The following AGR2 variants were observed in gnomAD, a reference collection of about 807,000 sequenced individuals.
AGR2 encodes anterior gradient 2, protein disulphide isomerase family member, also known as anterior gradient protein 2 homolog.
In AGR2, 27 loss-of-function variants were observed where a neutral mutation model predicts 25.9. The ratio of observed to expected loss-of-function variants is 1.04; its 90% CI spans 0.77 to 1.44. The LOEUF is 1.44. Among genes scored for constraint, AGR2 ranks in the 40% most tolerant of loss-of-function variants. The probability of loss-of-function intolerance (pLI) is 0.00; values close to 1 mark genes in which losing one functional copy is unlikely to be tolerated. For missense variants in AGR2, 182 were observed against 200.9 expected (o/e 0.91, Z 0.57); for synonymous variants, 78 against 72.0 (o/e 1.08, Z -0.42).
chr7:16,800,541 G>C (rs143353291), intron 4 of AGR2, among the ~76,000 whole-genome samples: 1 of 152,212 alleles, frequency 6.6e-6, no homozygotes, highest in African/African-American at 2.4e-5. Flanking sequence ...ACTTGAGCAC[G>C]TGAGTGATGG....
At chr7:16,797,561 G>C in intron 6 of AGR2, 70 bp downstream of exon 6, 10 of 1,401,316 alleles carry the variant, frequency 7.1e-6, no homozygotes, top group African/African-American at 1.4e-5. Context: ...AAGGGACAGT[G>C]GGGAGGAGAG....
intron 6 of AGR2, among the ~76,000 whole-genome samples, chr7:16,797,051 A>G (rs951004498): frequency 1.3e-5 from 2 of 151,784 alleles, no homozygotes; most frequent in Non-Finnish European, 2.9e-5. Context: ...CCTCCCAGGT[A>G]GCTGGGATTA....
chr7:16,794,767 G>T (rs1428744088), intron 7 of AGR2, 169 bp downstream of exon 7: 3 of 1,472,970 alleles, frequency 2.0e-6, no homozygotes, highest in Non-Finnish European at 2.7e-6. Context: ...ACCTGAGATG[G>T]AAAGAGTGTG....
chr7:16,797,083 G>A (rs980099107), intron 6 of AGR2, among the ~76,000 whole-genome samples: 1 of 114,512 alleles, frequency 8.7e-6, no homozygotes, highest in East Asian at 2.2e-4. Flanking sequence ...AACCACGCCT[G>A]GCTAATTTTT....
Position 16,802,583 on chromosome 7 carries a change from C to G in AGR2, c.-7-780G>C, listed in dbSNP as rs371043266. On this transcript the variant is annotated intron_variant, in intron 1 of 7. Coordinates refer to ENST00000419304, the MANE Select transcript of AGR2 (RefSeq NM_006408.4). ...AATGGTTATATGGATACTTGAAATA[C>G]AGTTTCTACTGAATGTGTATTGCTT... Among the ~76,000 whole-genome samples the G allele has an allele frequency of 1.4e-4, 22 of 152,256 alleles. No individual in the cohort carries two copies. The East Asian group carries it at 3.7e-3, about 25-fold the overall frequency.
At chr7:16,799,977 T>C (rs1038973667) in intron 4 of AGR2, among the ~76,000 whole-genome samples, 160 bp from the exon 5 acceptor site, 1 of 152,236 alleles carries the variant, frequency 6.6e-6, no homozygotes, top group South Asian at 2.1e-4. Flanking sequence ...GTAATATCTA[T>C]GGCATTGACT....
At chr7:16,800,945 T>C (rs1016509047) in intron 4 of AGR2, among the ~76,000 whole-genome samples, 3 of 152,158 alleles carry the variant, frequency 2.0e-5, no homozygotes, top group Admixed American at 2.0e-4. Context: ...TGAAGATGAA[T>C]CCTAAAACTA....
At chr7:16,798,314 C>T (rs1785082800) in intron 5 of AGR2, among the ~76,000 whole-genome samples, 1 of 152,042 alleles carries the variant, frequency 6.6e-6, no homozygotes, top group South Asian at 2.1e-4. Flanking sequence ...GAACAGGAGT[C>T]AGTTAGGTGG....
At chr7:16,795,085 C>A in intron 6 of AGR2, 66 bp from the exon 7 acceptor site, 3 of 1,554,452 alleles carry the variant, frequency 1.9e-6, no homozygotes, top group Non-Finnish European at 2.7e-6. Flanking sequence ...TATTTATTGC[C>A]CCGGGGAGCT....
At chr7:16,800,484 C>G (rs1785123717) in intron 4 of AGR2, among the ~76,000 whole-genome samples, 1 of 152,146 alleles carries the variant, frequency 6.6e-6, no homozygotes, top group African/African-American at 2.4e-5. Flanking sequence ...ATGTCAGCCT[C>G]ATAGGTTGTG....
intron 6 of AGR2, among the ~76,000 whole-genome samples, chr7:16,795,318 G>GTT (rs76582218): frequency 0.043 from 5,965 of 139,128 alleles, 403 homozygotes; most frequent in African/African-American, 0.14. Context: ...GTGACATGGT[G>GTT]TTTTTTTTTT....
intron 7 of AGR2, chr7:16,794,731 C>A: frequency 7.6e-7 from 1 of 1,317,740 alleles, no homozygotes. Flanking sequence ...AATAATTCAT[C>A]TTCAATTGAG....
intron 6 of AGR2, among the ~76,000 whole-genome samples, chr7:16,795,907 A>C (rs1370687201): frequency 6.6e-6 from 1 of 152,266 alleles, no homozygotes; most frequent in Non-Finnish European, 1.5e-5. Context: ...TACAAGAAGC[A>C]GATGTACATT....
At chr7:16,792,996 G>T in intron 7 of AGR2, 39 bp from the exon 8 acceptor site, 1 of 1,577,362 alleles carries the variant, frequency 6.3e-7, no homozygotes, top group Non-Finnish European at 8.7e-7. Context: ...AGACACCATC[G>T]TGCGTTATAT....
intron 6 of AGR2, among the ~76,000 whole-genome samples, chr7:16,796,159 C>G (rs1190698119): frequency 6.6e-6 from 1 of 152,126 alleles, no homozygotes; most frequent in Non-Finnish European, 1.5e-5. Flanking sequence ...CTTTAAAATC[C>G]TCCAGGTGAT....
At chr7:16,796,582 A>G (rs77431894) in intron 6 of AGR2, among the ~76,000 whole-genome samples, 2,004 of 152,320 alleles carry the variant, frequency 0.013, 44 homozygotes, top group African/African-American at 0.046. Flanking sequence ...AACTCAGTAC[A>G]TTCATTCAAT....
At chr7:16,803,951 T>C (rs1362616837) in intron 1 of AGR2, among the ~76,000 whole-genome samples, 2 of 151,688 alleles carry the variant, frequency 1.3e-5, no homozygotes, top group African/African-American at 4.9e-5. Context: ...AGTAAATTGA[T>C]GGTAAGGCAT....
At chr7:16,802,611 G>A (rs758458970) in intron 1 of AGR2, among the ~76,000 whole-genome samples, 2 of 152,112 alleles carry the variant, frequency 1.3e-5, no homozygotes, top group Non-Finnish European at 2.9e-5. Flanking sequence ...TATTGCTTTT[G>A]CACCATCATA....
intron 1 of AGR2, among the ~76,000 whole-genome samples, 168 bp downstream of exon 1, chr7:16,804,767 C>A (rs2115364500): frequency 6.7e-6 from 1 of 149,280 alleles, no homozygotes; most frequent in East Asian, 1.9e-4. Flanking sequence ...AGAAAGGCCC[C>A]AGTAAGACTT....
Sources: gnomAD v4.1 joint callset for allele counts (sites outside exome capture counted in the v4.1 genomes callset) on GRCh38, gnomAD v4.1.1 for gene constraint, MANE v1.5 for transcripts, NCBI Gene and HGNC (gene_info 2026-07-23, HGNC 2026-07-21) for gene names.